ZFP2: variants seen among roughly 807,000 people sequenced by gnomAD.
ZFP2 encodes the protein zinc finger protein ZFP2.
A neutral mutation model predicts 36.1 loss-of-function variants in ZFP2; 33 were observed. That is an observed-to-expected ratio of 0.92 (90% CI 0.69 to 1.22). ZFP2 has a LOEUF of 1.22. Ranked by LOEUF, ZFP2 falls within the 50% of genes most tolerant of loss-of-function variation. ZFP2 has a pLI of 0.00. For synonymous variants in ZFP2, 170 were observed against 178.0 expected, an observed-to-expected ratio of 0.96 and a Z score of 0.36; for missense variants, 522 against 551.4, an observed-to-expected ratio of 0.95 and a Z score of 0.53.
intron 1 of ZFP2, among the ~76,000 whole-genome samples, chr5:178,899,493 A>C (rs1286995536): frequency 1.3e-5 from 2 of 152,030 alleles, no homozygotes; most frequent in African/African-American, 4.8e-5. Flanking sequence ...TGAAGGGGGC[A>C]GTGACTGATA....
chr5:178,925,986 A>G (rs1391133268), intron 4 of ZFP2, among the ~76,000 whole-genome samples: 1 of 148,808 alleles, frequency 6.7e-6, no homozygotes, highest in Non-Finnish European at 1.5e-5. Flanking sequence ...AGCTGAGACC[A>G]CATGTGTGCG....
chr5:178,897,846 T>C (rs541913391), intron 1 of ZFP2, among the ~76,000 whole-genome samples: 1 of 152,328 alleles, frequency 6.6e-6, no homozygotes, highest in African/African-American at 2.4e-5. Flanking sequence ...CAACAATGTA[T>C]CTGGTAAATA....
chr5:178,905,995 G>A (rs530467819), intron 1 of ZFP2, among the ~76,000 whole-genome samples: 3 of 152,182 alleles, frequency 2.0e-5, no homozygotes, highest in South Asian at 2.1e-4. Context: ...CAAGCCATCC[G>A]CCACCTGCCT....
chr5:178,911,980 A>T (rs1318008764), intron 1 of ZFP2, among the ~76,000 whole-genome samples: 3 of 152,104 alleles, frequency 2.0e-5, no homozygotes, highest in Non-Finnish European at 2.9e-5. Flanking sequence ...TACTAAAATT[A>T]CAAAAATTAG....
chr5:178,927,756 G>A (rs1292425784), intron 4 of ZFP2, among the ~76,000 whole-genome samples: 3 of 149,448 alleles, frequency 2.0e-5, no homozygotes, highest in South Asian at 2.1e-4. Flanking sequence ...GGCTAGTCTC[G>A]AACTCCTGAC....
chr5:178,896,867 TAA>T (rs1204722851), intron 1 of ZFP2, among the ~76,000 whole-genome samples: 3 of 152,132 alleles, frequency 2.0e-5, no homozygotes. Context: ...TTTACTGGCC[TAA>T]ACACCCAATG....
chr5:178,931,695 A>G lies in ZFP2; in HGVS notation c.382A>G (p.Lys128Glu), dbSNP rs202210759. 2.1e-4 allele frequency: 340 copies of G among 1,614,196 alleles called. No homozygotes were observed. Among genetic ancestry groups the G allele is most frequent in the Non-Finnish European group, 2.6e-4 (310 of 1,180,032 alleles). ...GCACCAGAGGATTCATACTGGGGAGAAACCCTATAAGTGTAATGTATGTGG... is the reference window on the plus strand; with the variant it reads ...GCACCAGAGGATTCATACTGGGGAGGAACCCTATAAGTGTAATGTATGTGG... ...LKHQRIHTGE[K>E]PYKCNVCGKH... Residue 128 changes from lysine to glutamate, a missense_variant, in exon 5 of 5, where the codon AAA becomes GAA. Transcript: ENST00000361362.
rs79628631 is a variant in ZFP2 at position 178,904,171 on chromosome 5, C to T, written c.-450+8197C>T. Reference sequence around the variant, plus strand: ...TTTAACATGATGTGGTGAAGCATTTCATCCATCCATCCACTCATTAAACAT... The same window carrying T: ...TTTAACATGATGTGGTGAAGCATTTTATCCATCCATCCACTCATTAAACAT... On this transcript the variant is annotated intron_variant, in intron 1 of 4. Coordinates refer to ENST00000361362, the MANE Select transcript of ZFP2 (RefSeq NM_030613.4). Among the ~76,000 whole-genome samples, 136 of 152,312 alleles carry T rather than the reference C, an allele frequency of 8.9e-4. No individual in the cohort carries two copies. In the East Asian group the frequency reaches 0.023, roughly 26 times the overall value.
At chr5:178,902,466 C>G (rs145897727) in intron 1 of ZFP2, among the ~76,000 whole-genome samples, 12 of 152,128 alleles carry the variant, frequency 7.9e-5, no homozygotes, top group Non-Finnish European at 1.6e-4. Flanking sequence ...ATTTAGCTGT[C>G]GTATCTCCTT....
chr5:178,908,698 CAT>C (rs1216581820), intron 1 of ZFP2, among the ~76,000 whole-genome samples: 132 of 136,188 alleles, frequency 9.7e-4, no homozygotes, highest in African/African-American at 3.1e-3. Flanking sequence ...AAAAAGATAA[CAT>C]GTAGCCAGGT....
In ZFP2 at chr5:178,932,324, G is replaced by C; in HGVS notation, c.1011G>C (p.Lys337Asn). 1 of 1,614,146 alleles carries C rather than the reference G, an allele frequency of 6.2e-7. No individual in the cohort carries two copies. The highest frequency in any genetic ancestry group is 8.5e-7 in the Non-Finnish European group (1 of 1,180,022). ...ACGAGTGTGGAAAAGCTTTCAGTAA[G>C]AATTCATCTCTAACTCAACATCGGA... ...ECNECGKAFS[K>N]NSSLTQHRRI... is the part of the protein sequence containing the mutation. Residue 337 changes from lysine (K) to asparagine (N), a missense_variant, in exon 5 of 5, where the codon AAG becomes AAC. By Grantham distance (94) the Lys-to-Asn change is moderately conservative. Coordinates refer to ENST00000361362, the MANE Select transcript of ZFP2 (RefSeq NM_030613.4).
At position 178,909,072 on chromosome 5, in the gene ZFP2, TCG is replaced by T. The variant is rs1287395506; in HGVS notation, c.-449-3511_-449-3510del. ...TCCAGGGCTCAGGGCGTAAAACCCC[TCG>T]TGGCCTGGATGGAATCCAGGGCTCA... On this transcript the variant is annotated intron_variant, in intron 1 of 4. Transcript: ENST00000361362. 4.7e-5 allele frequency among the ~76,000 whole-genome samples: 7 copies of T among 148,920 alleles called. No individual in the cohort carries two copies. In the East Asian group the frequency reaches 1.2e-3, roughly 26 times the overall value.
chr5:178,907,815 CAAA>C (rs1297459835), intron 1 of ZFP2, among the ~76,000 whole-genome samples: 4 of 152,266 alleles, frequency 2.6e-5, no homozygotes, highest in African/African-American at 7.2e-5. Flanking sequence ...AGAAAACTAT[CAAA>C]GAAGTCTACT....
intron 1 of ZFP2, among the ~76,000 whole-genome samples, chr5:178,896,858 T>C (rs532146852): frequency 1.3e-5 from 2 of 152,166 alleles, no homozygotes; most frequent in Non-Finnish European, 2.9e-5. Context: ...TTGTAATTTT[T>C]TACTGGCCTA....
intron 3 of ZFP2, chr5:178,913,745 G>T (rs1456530353): frequency 6.7e-6 from 1 of 148,622 alleles, no homozygotes; most frequent in East Asian, 2.0e-4. Context: ...TATCACAACT[G>T]AAATTTCTGT....
intron 1 of ZFP2, among the ~76,000 whole-genome samples, chr5:178,902,908 G>A (rs550715162): frequency 2.0e-5 from 3 of 152,280 alleles, no homozygotes; most frequent in African/African-American, 7.2e-5. Context: ...TTGGAGACCT[G>A]TCCATATCAG....
intron 1 of ZFP2, chr5:178,910,663 G>T: frequency 2.7e-6 from 1 of 368,080 alleles, no homozygotes; most frequent in Non-Finnish European, 5.3e-6. Flanking sequence ...CCTCACTGCC[G>T]CTGGCCCATG....
chr5:178,922,480 A>C lies in ZFP2; in HGVS notation c.-78+5770A>C. 2 of 1,372,394 alleles carry C rather than the reference A, an allele frequency of 1.5e-6. 1 individual carries two copies. Among genetic ancestry groups the C allele is most frequent in the Non-Finnish European group, 2.1e-6 (2 of 960,118 alleles). The allele number at this position is 1,372,394 out of a possible 1,614,324, so 85.0% of individuals were successfully genotyped here. The stretch of plus-strand genomic sequence containing the variant: ...TAGGACCAAACCTCAAAGCATGGCT[A>C]AGAGTTTTCAGTAGAAATGGAGTTA... On this transcript the variant is annotated intron_variant, in intron 4 of 4. Transcript: ENST00000361362.
intron 4 of ZFP2, among the ~76,000 whole-genome samples, chr5:178,929,312 A>G (rs770761098): frequency 7.2e-5 from 11 of 152,152 alleles, no homozygotes; most frequent in Non-Finnish European, 1.5e-4. Context: ...CTTTTCTACC[A>G]CATGGCCAGG....
Sources: allele counts gnomAD v4.1 joint callset (sites outside exome capture counted in the v4.1 genomes callset), GRCh38; gene constraint gnomAD v4.1.1; transcripts MANE v1.5; gene names NCBI Gene and HGNC (gene_info 2026-07-23, HGNC 2026-07-21).